CCDC91: variants seen among roughly 807,000 people sequenced by gnomAD.
CCDC91 encodes coiled-coil domain containing 91, also known as coiled-coil domain-containing protein 91.
A neutral mutation model predicts 63.2 loss-of-function variants in CCDC91; 48 were observed. The observed-to-expected ratio is 0.76, with a 90% CI of 0.60 to 0.97. CCDC91 has a LOEUF of 0.97. Among genes scored for constraint, CCDC91 ranks in the 50% least tolerant of loss-of-function variants. CCDC91 has a pLI of 0.00. For missense variants in CCDC91, 500 were observed against 494.6 expected (o/e 1.01, Z -0.10); for synonymous variants, 167 against 165.8 (o/e 1.01, Z -0.06).
chr12:28,526,391 T>C (rs1941265535), intron 12 of CCDC91, among the ~76,000 whole-genome samples: 1 of 152,160 alleles, frequency 6.6e-6, no homozygotes, highest in Non-Finnish European at 1.5e-5. Flanking sequence ...ACAAAATTCT[T>C]GGCTGATAAT....
chr12:28,363,267 TA>T (rs201136818), intron 7 of CCDC91, among the ~76,000 whole-genome samples: 43 of 152,076 alleles, frequency 2.8e-4, no homozygotes, highest in East Asian at 7.7e-4. Flanking sequence ...TTGAATTGAT[TA>T]AAAAAAATGT....
intron 8 of CCDC91, among the ~76,000 whole-genome samples, chr12:28,449,889 C>G (rs1410912712): frequency 1.3e-5 from 2 of 151,758 alleles, no homozygotes; most frequent in Non-Finnish European, 3.0e-5. Context: ...ACATCATTTT[C>G]TGATTAATTT....
At position 28,450,247 on chromosome 12, in the gene CCDC91, A is replaced by G; in HGVS notation, c.849A>G (p.Glu283=). ...AAGCTTTGATTCAGCAATCTCAAGA[A>G]CAGAAGGTAATACTTTAACTGTGCT... ...IKEALIQQSQ[E]QKEILEKCLE... is the part of the protein sequence containing the mutation. The change falls in exon 9 of 13, where the codon GAA becomes GAG. Residue 283 remains glutamate (E), a synonymous_variant. Transcript: ENST00000536442. 1.9e-6 allele frequency: 3 copies of G among 1,604,334 alleles called. No homozygotes were observed. In the East Asian group the frequency reaches 6.7e-5, roughly 36 times the overall value.
At chr12:28,389,305 T>A (rs191565809) in intron 7 of CCDC91, among the ~76,000 whole-genome samples, 1,549 of 151,790 alleles carry the variant, frequency 0.01, 30 homozygotes, top group African/African-American at 0.036. Context: ...GGAAGACTTT[T>A]AAAAAAAAAT....
intron 1 of CCDC91, among the ~76,000 whole-genome samples, chr12:28,252,362 T>C (rs377652024): frequency 1.3e-5 from 2 of 152,060 alleles, no homozygotes; most frequent in Non-Finnish European, 1.5e-5. Context: ...TTACTTTTGT[T>C]TTCTCTTTTC....
At chr12:28,521,068 T>A (rs550343903) in intron 12 of CCDC91, among the ~76,000 whole-genome samples, 156 of 152,310 alleles carry the variant, frequency 1.0e-3, no homozygotes, top group Non-Finnish European at 5.0e-4. Flanking sequence ...CTTTTTGGGT[T>A]CCATATGAAC....
chr12:28,384,243 G>A (rs1945465703), intron 7 of CCDC91, among the ~76,000 whole-genome samples: 1 of 152,008 alleles, frequency 6.6e-6, no homozygotes, highest in African/African-American at 2.4e-5. Flanking sequence ...CTTCATAGAT[G>A]TACTTGCAGT....
intron 12 of CCDC91, among the ~76,000 whole-genome samples, chr12:28,548,429 G>T (rs533936478): frequency 2.6e-5 from 4 of 151,796 alleles, no homozygotes. Flanking sequence ...ACCACCATGC[G>T]CAGCTAATTT....
chr12:28,307,591 T>A, intron 5 of CCDC91, 54 bp from the exon 6 acceptor site: 1 of 936,938 alleles, frequency 1.1e-6, no homozygotes, highest in Non-Finnish European at 1.6e-6. Flanking sequence ...AAAAAACTAA[T>A]TATATTTTAT....
intron 8 of CCDC91, among the ~76,000 whole-genome samples, chr12:28,439,170 T>G (rs1949055761): frequency 1.3e-5 from 2 of 152,186 alleles, no homozygotes; most frequent in South Asian, 4.1e-4. Context: ...TTGGTTGAAG[T>G]AAATCTGCTA....
At chr12:28,548,331 G>A (rs1241714842) in intron 12 of CCDC91, among the ~76,000 whole-genome samples, 8 of 151,960 alleles carry the variant, frequency 5.3e-5, no homozygotes, top group Admixed American at 2.0e-4. Flanking sequence ...GTGCAGTGGC[G>A]CAATCTTGGC....
At position 28,246,879 on chromosome 12, in the gene CCDC91, A is replaced by G. The variant is rs114848655; in HGVS notation, c.-14-10323A>G. Among the ~76,000 whole-genome samples, 1,228 of 152,344 alleles carry G rather than the reference A, an allele frequency of 8.1e-3. 22 individuals are homozygous for G. Among genetic ancestry groups the G allele is most frequent in the African/African-American group, 0.029 (1,194 of 41,572 alleles). ...TGCATCCTGGATGGATTAAAGAAGG[A>G]TAATACTATTGACTGAAAAGAACAG... On this transcript the variant is annotated intron_variant, in intron 1 of 12. Coordinates refer to ENST00000536442, the MANE Select transcript of CCDC91 (RefSeq NM_018318.5).
chr12:28,540,698 G>T (rs1299292188), intron 12 of CCDC91, among the ~76,000 whole-genome samples: 1 of 152,078 alleles, frequency 6.6e-6, no homozygotes, highest in Non-Finnish European at 1.5e-5. Flanking sequence ...GTCTCCAATG[G>T]TACTTTGTCC....
chr12:28,267,284 ACTC>A (rs904807419), intron 3 of CCDC91, among the ~76,000 whole-genome samples: 1 of 151,424 alleles, frequency 6.6e-6, no homozygotes, highest in Non-Finnish European at 1.5e-5. Context: ...ACATAGTAAT[ACTC>A]CTTGCTTTTT....
chr12:28,308,140 TATTTC>T (rs1191699873), intron 6 of CCDC91, among the ~76,000 whole-genome samples: 1 of 152,018 alleles, frequency 6.6e-6, no homozygotes, highest in East Asian at 1.9e-4. Flanking sequence ...TTTTCTTATT[TATTTC>T]TTCTACAGTC....
intron 8 of CCDC91, among the ~76,000 whole-genome samples, chr12:28,391,773 A>C (rs900257098): frequency 1.3e-5 from 2 of 152,140 alleles, no homozygotes. Context: ...ATGTATGTTT[A>C]TGTTACCTTT....
At chr12:28,231,098 T>G (rs1042848339) in intron 1 of CCDC91, among the ~76,000 whole-genome samples, 1 of 152,212 alleles carries the variant, frequency 6.6e-6, no homozygotes, top group African/African-American at 2.4e-5. Flanking sequence ...AGCTCTGTGG[T>G]GAATTTCTTT....
At chr12:28,536,595 C>T (rs1302306768) in intron 12 of CCDC91, among the ~76,000 whole-genome samples, 2 of 152,090 alleles carry the variant, frequency 1.3e-5, no homozygotes, top group Non-Finnish European at 2.9e-5. Context: ...CCAGTTTGTT[C>T]TTCTGTACAA....
At chr12:28,450,537 C>A (rs566636806) in intron 10 of CCDC91, 119 bp downstream of exon 10, 8 of 673,040 alleles carry the variant, frequency 1.2e-5, no homozygotes, top group East Asian at 2.8e-5. Flanking sequence ...GTTTTTATTT[C>A]TTTTATTTAC....
Sources: gnomAD v4.1 joint callset for allele counts (sites outside exome capture counted in the v4.1 genomes callset) on GRCh38, gnomAD v4.1.1 for gene constraint, MANE v1.5 for transcripts, NCBI Gene and HGNC (gene_info 2026-07-23, HGNC 2026-07-21) for gene names.